The following MRPS33 variants were observed in gnomAD, a reference collection of about 807,000 sequenced individuals.
The protein encoded by MRPS33 is mitochondrial ribosomal protein S33, also known as small ribosomal subunit protein mS33.
Under a neutral mutation model 11.2 loss-of-function variants are expected in MRPS33, and 11 were observed. The observed-to-expected ratio is 0.99, with a 90% CI of 0.62 to 1.63. The LOEUF (loss-of-function observed/expected upper bound fraction) is 1.63. Ranked by LOEUF, MRPS33 falls within the 40% of genes most tolerant of loss-of-function variation. The probability of loss-of-function intolerance (pLI) is 0.00; values close to 1 mark genes in which losing one functional copy is unlikely to be tolerated. For missense variants in MRPS33, 109 were observed against 127.8 expected (o/e 0.85, Z 0.71); for synonymous variants, 46 against 44.0 (o/e 1.05, Z -0.18).
In MRPS33 at chr7:141,006,500, C is replaced by T. The variant is rs753508371; in HGVS notation, c.251G>A (p.Arg84Gln). 4.0e-5 allele frequency: 65 copies of T among 1,613,814 alleles called. No individual in the cohort carries two copies. Among genetic ancestry groups the T allele is most frequent in the South Asian group, 1.3e-4 (12 of 91,078 alleles). Residue 84 changes from arginine (R) to glutamine (Q), a missense_variant, in exon 3 of 3, where the codon CGA becomes CAA. Coordinates refer to ENST00000324787, the MANE Select transcript of MRPS33 (RefSeq NM_053035.3). ...EHQDFMDEQKRLKKLRGKEKP... is the reference protein window; with the variant it reads ...EHQDFMDEQKQLKKLRGKEKP... Reference sequence around the variant, plus strand: ...CTCCTTTCCACGAAGCTTCTTTAGTCGTTTTTGCTCATCCATAAAATCCTG... The same window carrying T: ...CTCCTTTCCACGAAGCTTCTTTAGTTGTTTTTGCTCATCCATAAAATCCTG...
intron 2 of MRPS33, among the ~76,000 whole-genome samples, chr7:141,009,158 G>A (rs910442698): frequency 1.3e-5 from 2 of 149,686 alleles, no homozygotes; most frequent in Non-Finnish European, 3.0e-5. Flanking sequence ...TTGAGATAGA[G>A]TCTTGCTTTG....
chr7:141,010,349 CT>C, intron 2 of MRPS33, 69 bp downstream of exon 2: 3 of 1,472,870 alleles, frequency 2.0e-6, no homozygotes, highest in Non-Finnish European at 2.8e-6. Context: ...GATAGAAAGG[CT>C]AATTTTTTTC....
intron 2 of MRPS33, 34 bp from the exon 3 acceptor site, chr7:141,006,569 A>G (rs1238868208): frequency 4.5e-6 from 7 of 1,565,224 alleles, no homozygotes; most frequent in Non-Finnish European, 6.1e-6. Flanking sequence ...TTAACCAGTT[A>G]TTTTTACGAG....
At chr7:141,009,113 G>C (rs1283535427) in intron 2 of MRPS33, among the ~76,000 whole-genome samples, 1 of 151,330 alleles carries the variant, frequency 6.6e-6, no homozygotes, top group Non-Finnish European at 1.5e-5. Context: ...AATTTAATGA[G>C]AAAGATCACA....
chr7:141,008,038 T>C (rs1368882204), intron 2 of MRPS33, among the ~76,000 whole-genome samples: 4 of 152,170 alleles, frequency 2.6e-5, no homozygotes, highest in Admixed American at 6.5e-5. Flanking sequence ...ACTGAATGAA[T>C]CAATTGTTTC....
rs1362068387 is a variant in MRPS33 at position 141,010,461 on chromosome 7, TA to T, written c.172del (p.Tyr58ThrfsTer28). ...TYDWYPNHHTYAELMQTLRFL... is the reference protein window; with the variant it reads ...TYDWYPNHHTXAELMQTLRFL... Reference sequence around the variant, plus strand: ...TCGGAGCGTCTGCATGAGTTCAGCGTAAGTGTGGTGATTTGGATACCAATCA... The same window carrying T: ...TCGGAGCGTCTGCATGAGTTCAGCGTAGTGTGGTGATTTGGATACCAATCA... On this transcript the variant is annotated frameshift_variant, in exon 2 of 3. Transcript: ENST00000324787. LOFTEE classifies it high-confidence loss of function. 1 of 1,614,098 alleles carries T rather than the reference TA, an allele frequency of 6.2e-7. No homozygotes were observed. Among genetic ancestry groups the T allele is most frequent in the Non-Finnish European group, 8.5e-7 (1 of 1,180,048 alleles).
At position 141,010,514 on chromosome 7, in the gene MRPS33, C is replaced by A. The variant is rs765046678; in HGVS notation, c.120G>T (p.Leu40=). The change falls in exon 2 of 3, where the codon CTG becomes CTT. Residue 40 remains leucine (L), a synonymous_variant. Transcript: ENST00000324787. ...SMKVVKLFSE[L]PLAKKKETYD... is the part of the protein sequence containing the mutation. Reference sequence around the variant, plus strand: ...AAGTCTCCTTCTTCTTGGCCAAGGGCAGTTCACTAAACAGTTTCACCACTT... The same window carrying A: ...AAGTCTCCTTCTTCTTGGCCAAGGGAAGTTCACTAAACAGTTTCACCACTT... The A allele has an allele frequency of 2.5e-6, 4 of 1,614,034 alleles. No individual in the cohort carries two copies. The African/African-American group carries it at 5.3e-5, about 22-fold the overall frequency.
chr7:141,010,346 A>C, intron 2 of MRPS33, 73 bp downstream of exon 2: 2 of 1,447,538 alleles, frequency 1.4e-6, no homozygotes, highest in Non-Finnish European at 1.9e-6. Flanking sequence ...AAGGATAGAA[A>C]GGCTAATTTT....
In MRPS33 at chr7:141,003,644, T is replaced by C. The variant is rs1006882548; in HGVS notation, c.*2786A>G. 3.9e-5 allele frequency: 6 copies of C among 152,246 alleles called. No individual in the cohort carries two copies. Among genetic ancestry groups the C allele is most frequent in the African/African-American group, 1.4e-4 (6 of 41,470 alleles). The allele number at this position is 152,246 out of a possible 1,614,324, so 9.4% of individuals were successfully genotyped here. A position where few individuals can be genotyped will look rare whatever the true frequency, so the allele number is the denominator to read the frequency against. Reference sequence around the variant, plus strand: ...TTGTTTTCCGACTCAGGTCTGCTGTTAGAATGTAATGCAGTTATTCTCTTT... The same window carrying C: ...TTGTTTTCCGACTCAGGTCTGCTGTCAGAATGTAATGCAGTTATTCTCTTT... On this transcript the variant is annotated 3_prime_UTR_variant, in exon 3 of 3. Coordinates refer to ENST00000324787, the MANE Select transcript of MRPS33 (RefSeq NM_053035.3).
rs1820508167 is a variant in MRPS33 at position 141,005,683 on chromosome 7, A to G, written c.*747T>C. ...ATTTCTTTAGGGAAGCTTTCTTTAAACTCCCTAATGTGATTTGGGCTTCTG... is the reference window on the plus strand; with the variant it reads ...ATTTCTTTAGGGAAGCTTTCTTTAAGCTCCCTAATGTGATTTGGGCTTCTG... On this transcript the variant is annotated 3_prime_UTR_variant, in exon 3 of 3. Transcript: ENST00000324787. The G allele has an allele frequency of 6.6e-6, 1 of 152,040 alleles. No individual in the cohort carries two copies. The allele number at this position is 152,040 out of a possible 1,614,324, so 9.4% of individuals were successfully genotyped here.
At chr7:141,013,198 C>G (rs1226889456) in intron 1 of MRPS33, among the ~76,000 whole-genome samples, 2 of 152,160 alleles carry the variant, frequency 1.3e-5, no homozygotes, top group Non-Finnish European at 2.9e-5. Context: ...ACCTTGATAA[C>G]TTGACAAGAT....
At chr7:141,009,285 C>T (rs1159021793) in intron 2 of MRPS33, among the ~76,000 whole-genome samples, 1 of 151,710 alleles carries the variant, frequency 6.6e-6, no homozygotes, top group East Asian at 1.9e-4. Context: ...GCGTGTGCCA[C>T]CACGCCCAGC....
chr7:141,012,747 G>A (rs910164886), intron 1 of MRPS33, among the ~76,000 whole-genome samples: 4 of 152,180 alleles, frequency 2.6e-5, no homozygotes, highest in Non-Finnish European at 5.9e-5. Context: ...GTTTGTTACA[G>A]TGTTTTCAGG....
chr7:141,006,828 A>C (rs1820544304), intron 2 of MRPS33, among the ~76,000 whole-genome samples: 2 of 152,164 alleles, frequency 1.3e-5, no homozygotes, highest in Middle Eastern at 3.2e-3. Flanking sequence ...ACACAATACT[A>C]ATGATTACCC....
At chr7:141,007,103 G>GT (rs1359908659) in intron 2 of MRPS33, among the ~76,000 whole-genome samples, 1 of 152,118 alleles carries the variant, frequency 6.6e-6, no homozygotes, top group Non-Finnish European at 1.5e-5. Flanking sequence ...CCAGGACTAC[G>GT]TAAGTATGTG....
chr7:141,011,470 T>C (rs1369359931), intron 1 of MRPS33, among the ~76,000 whole-genome samples: 1 of 152,184 alleles, frequency 6.6e-6, no homozygotes, highest in African/African-American at 2.4e-5. Flanking sequence ...ATCCGTGATA[T>C]GCACGAATTA....
At chr7:141,012,818 G>A (rs13236704) in intron 1 of MRPS33, among the ~76,000 whole-genome samples, 111,993 of 152,054 alleles carry the variant, frequency 0.74, 42,102 homozygotes, top group East Asian at 0.9. Flanking sequence ...AGGGATTCCT[G>A]AGGCCTAGGT....
intron 1 of MRPS33, among the ~76,000 whole-genome samples, chr7:141,012,246 A>C (rs917263039): frequency 6.6e-6 from 1 of 151,128 alleles, no homozygotes; most frequent in Non-Finnish European, 1.5e-5. Context: ...CAGAACACCA[A>C]CCAAGCAATT....
At chr7:141,009,134 A>ATT (rs200306228) in intron 2 of MRPS33, among the ~76,000 whole-genome samples, 2 of 140,542 alleles carry the variant, frequency 1.4e-5, no homozygotes, top group Non-Finnish European at 3.1e-5. Flanking sequence ...CAGGTATTTG[A>ATT]TTTTTTTTTT....
Sources: allele counts gnomAD v4.1 joint callset (sites outside exome capture counted in the v4.1 genomes callset), GRCh38; gene constraint gnomAD v4.1.1; transcripts MANE v1.5; gene names NCBI Gene and HGNC (gene_info 2026-07-23, HGNC 2026-07-21).